Variants in SNED1 observed in about 807,000 individuals in gnomAD.
SNED1 encodes the protein sushi, nidogen and EGF like domains 1, also known as sushi, nidogen and EGF-like domain-containing protein 1.
In SNED1, 81 loss-of-function variants were observed where a neutral mutation model predicts 166.7. The ratio of observed to expected loss-of-function variants is 0.49; its 90% CI spans 0.41 to 0.58. SNED1 has a LOEUF of 0.58. SNED1 is among the 20% of genes least tolerant of loss of function. The probability of loss-of-function intolerance (pLI) is 0.00; values close to 1 mark genes in which losing one functional copy is unlikely to be tolerated. For synonymous variants in SNED1, 762 were observed against 822.0 expected (o/e 0.93, Z 1.25); for missense variants, 1,604 against 2,000.2 (o/e 0.80, Z 3.78).
At chr2:241,039,941 G>A in intron 6 of SNED1, 134 bp from the exon 7 acceptor site, 1 of 708,806 alleles carries the variant, frequency 1.4e-6, no homozygotes, top group East Asian at 2.7e-5. Context: ...CGCCCGCTCA[G>A]AAACCTGCCT....
intron 6 of SNED1, among the ~76,000 whole-genome samples, chr2:241,039,216 C>A (rs889898547): frequency 1.3e-5 from 2 of 152,162 alleles, no homozygotes; most frequent in Non-Finnish European, 2.9e-5. Flanking sequence ...CTCCACCTAG[C>A]GGAGTTGGGG....
intron 6 of SNED1, among the ~76,000 whole-genome samples, chr2:241,037,855 G>A (rs775419389): frequency 1.9e-4 from 29 of 152,316 alleles, no homozygotes; most frequent in Non-Finnish European, 3.7e-4. Flanking sequence ...TCCTGCCCCT[G>A]CCTTCAGGGA....
rs1391057637 is a variant in SNED1, at chr2:241,094,463, T to A, written c.*2827T>A. On this transcript the variant is annotated 3_prime_UTR_variant, in exon 32 of 32. Coordinates refer to ENST00000310397, the MANE Select transcript of SNED1 (RefSeq NM_001080437.3). The surrounding 1 kb of genome is among the most constrained non-coding windows in gnomAD (Gnocchi z 4.3). Reference sequence around the variant, plus strand: ...GAAAACAAAAGCACCTAGATTTCAGTGCTGAATCCCCACAATTGCATGCAG... The same window carrying A: ...GAAAACAAAAGCACCTAGATTTCAGAGCTGAATCCCCACAATTGCATGCAG... 1 of 467,754 alleles carries A rather than the reference T, an allele frequency of 2.1e-6. No individual in the cohort carries two copies. Among genetic ancestry groups the A allele is most frequent in the African/African-American group, 2.0e-5 (1 of 49,968 alleles). The allele number at this position is 467,754 out of a possible 1,614,324, so 29.0% of individuals were successfully genotyped here.
At position 241,033,715 on chromosome 2, in the gene SNED1, C is replaced by T; in HGVS notation, c.502-20C>T. ...GCCAAGGGGAGTGCAGGGCCCTGTT[C>T]AGCCCCCTCTCCCCGGCAGGTCAAC... On this transcript the variant is annotated intron_variant, in intron 2 of 31. Transcript: ENST00000310397. 6.2e-7 allele frequency: 1 copy of T among 1,605,848 alleles called. No individual in the cohort carries two copies. Among genetic ancestry groups the T allele is most frequent in the Non-Finnish European group, 8.5e-7 (1 of 1,176,764 alleles).
intron 4 of SNED1, among the ~76,000 whole-genome samples, chr2:241,036,012 G>A (rs1231092812): frequency 9.2e-6 from 1 of 108,784 alleles, no homozygotes; most frequent in Admixed American, 8.9e-5. Context: ...GGAGGGGAGT[G>A]GGGGGTGGAG....
intron 29 of SNED1, among the ~76,000 whole-genome samples, chr2:241,086,655 C>G (rs1299890575): frequency 6.6e-6 from 1 of 152,202 alleles, no homozygotes; most frequent in Non-Finnish European, 1.5e-5. Context: ...GTTACTCTTT[C>G]ATGTCCAGAA....
intron 1 of SNED1, 105 bp from the exon 2 acceptor site, chr2:241,030,179 C>CT: frequency 8.8e-7 from 1 of 1,131,454 alleles, no homozygotes; most frequent in Non-Finnish European, 1.2e-6. Context: ...CCAGGACTGG[C>CT]TTCCCCTCAG....
intron 1 of SNED1, among the ~76,000 whole-genome samples, chr2:241,027,310 AC>A (rs2124958745): frequency 6.6e-6 from 1 of 152,270 alleles, no homozygotes; most frequent in African/African-American, 2.4e-5. Context: ...TGAACTCCTG[AC>A]CTCAGGTGAT....
chr2:241,007,424 T>G (rs1333624582), intron 1 of SNED1, among the ~76,000 whole-genome samples: 1 of 152,226 alleles, frequency 6.6e-6, no homozygotes, highest in Non-Finnish European at 1.5e-5. Context: ...TGCTCTGATT[T>G]AAGGAGACGG....
At chr2:241,063,899 T>C in intron 18 of SNED1, 113 bp from the exon 19 acceptor site, 1 of 865,472 alleles carries the variant, frequency 1.2e-6, no homozygotes. Context: ...CCACTGCCCC[T>C]CTCTCCTGGC....
At chr2:241,010,831 C>T (rs1044723899) in intron 1 of SNED1, 2 of 152,730 alleles carry the variant, frequency 1.3e-5, no homozygotes, top group African/African-American at 2.4e-5. Flanking sequence ...TTCTCAGCAG[C>T]TGGTGCTTGG....
rs1046810983 is a variant in SNED1, at chr2:241,089,956, T to C, written c.*1+1554T>C. The C allele has an allele frequency of 5.2e-6, 8 of 1,545,162 alleles. No individual in the cohort carries two copies. The African/African-American group carries it at 9.6e-5, about 19-fold the overall frequency. On this transcript the variant is annotated intron_variant, in intron 31 of 31. Transcript: ENST00000310397. ...GTAGAAAACCTACAGTAAAAATAGATATAAAAGATAAAAAATGGTATACCT... is the reference window on the plus strand; with the variant it reads ...GTAGAAAACCTACAGTAAAAATAGACATAAAAGATAAAAAATGGTATACCT...
intron 1 of SNED1, among the ~76,000 whole-genome samples, chr2:241,011,531 C>T (rs1559216752): frequency 1.3e-5 from 2 of 152,248 alleles, no homozygotes; most frequent in Non-Finnish European, 1.5e-5. Context: ...CAGGTCCACA[C>T]CTAGCCATGA....
chr2:241,082,037 G>A (rs888763178), intron 28 of SNED1, among the ~76,000 whole-genome samples: 1 of 152,222 alleles, frequency 6.6e-6, no homozygotes, highest in Non-Finnish European at 1.5e-5. Flanking sequence ...CACAGCTTCG[G>A]AGGGCTCCCT....
rs1212016510 is a variant in SNED1 at position 241,036,017 on chromosome 2, G to T, written c.806-773G>T. Among the ~76,000 whole-genome samples, 473 of 99,902 alleles carry T rather than the reference G, an allele frequency of 4.7e-3. 16 individuals carry two copies. The highest frequency in any genetic ancestry group is 0.018 in the African/African-American group (390 of 21,090). The allele number at this position is 99,902 out of a possible 152,430, so 65.5% of individuals were successfully genotyped here. A position where few individuals can be genotyped will look rare whatever the true frequency, so the allele number is the denominator to read the frequency against. On this transcript the variant is annotated intron_variant, in intron 4 of 31. Coordinates refer to ENST00000310397, the MANE Select transcript of SNED1 (RefSeq NM_001080437.3). ...CGCGTCACGGGGAGGGGAGTGGGGGGTGGAGGTGCGTCACGGGGTGGGTGG... is the reference window on the plus strand; with the variant it reads ...CGCGTCACGGGGAGGGGAGTGGGGGTTGGAGGTGCGTCACGGGGTGGGTGG...
intron 4 of SNED1, chr2:241,035,696 A>G (rs2061329409): frequency 7.0e-6 from 1 of 142,320 alleles, no homozygotes; most frequent in Non-Finnish European, 1.5e-5. Flanking sequence ...CGCGCGCACC[A>G]CTGTCGGGGC....
intron 29 of SNED1, among the ~76,000 whole-genome samples, chr2:241,086,099 T>C (rs2063560700): frequency 6.6e-6 from 1 of 152,116 alleles, no homozygotes; most frequent in African/African-American, 2.4e-5. Flanking sequence ...ACTCCTGACC[T>C]CAAGTGATCG....
At position 241,089,386 on chromosome 2, in the gene SNED1, T is replaced by C. The variant is rs1389490337; in HGVS notation, c.*1+984T>C. ...CGTGCCTAAAAAAATAAAGGAGAAA[T>C]GTCATTCAGGAACCTTTAAAAACAA... is the stretch of plus-strand genomic sequence containing the variant. On this transcript the variant is annotated intron_variant, in intron 31 of 31. Transcript: ENST00000310397. 5.8e-6 allele frequency: 9 copies of C among 1,550,326 alleles called. No individual in the cohort carries two copies. The African/African-American group carries it at 8.2e-5, about 14-fold the overall frequency.
chr2:241,042,650 G>GA (rs5839781), intron 8 of SNED1, among the ~76,000 whole-genome samples: 5 of 151,974 alleles, frequency 3.3e-5, no homozygotes, highest in Non-Finnish European at 1.5e-5. Context: ...TTGTTGAGGG[G>GA]AAAAAAACCT....
Sources: allele counts gnomAD v4.1 joint callset (sites outside exome capture counted in the v4.1 genomes callset), GRCh38; gene constraint gnomAD v4.1.1; non-coding constraint Gnocchi (gnomAD v3.1); transcripts MANE v1.5; gene names NCBI Gene and HGNC (gene_info 2026-07-23, HGNC 2026-07-21).